TRIM37: variants seen among roughly 807,000 people sequenced by gnomAD.
TRIM37 encodes tripartite motif containing 37.
In TRIM37, 80 loss-of-function variants were observed where a neutral mutation model predicts 129.8. The ratio of observed to expected loss-of-function variants is 0.62; its 90% CI spans 0.51 to 0.74. The LOEUF (loss-of-function observed/expected upper bound fraction) is 0.74. TRIM37 is among the 30% of genes least tolerant of loss of function. The pLI is 0.00. For missense variants in TRIM37, 1,054 were observed against 1,176.5 expected (o/e 0.90, Z 1.52); for synonymous variants, 389 against 387.1 (o/e 1.00, Z -0.06).
chr17:58,980,749 C>G (rs2031308449), downstream of TRIM37: 2 of 1,614,132 alleles, frequency 1.2e-6, no homozygotes, highest in Non-Finnish European at 1.7e-6. The surrounding 1 kb of genome is among the most constrained non-coding windows in gnomAD (Gnocchi z 4.7). Flanking sequence ...CCCCGGGAAA[C>G]AGAGTTTCTA....
rs1368591868 is a variant in TRIM37, at chr17:59,077,996, G to A, written c.616+1758C>T. The stretch of plus-strand genomic sequence containing the variant: ...AAAAATTAGCTGGGGGTGGTGGCAC[G>A]TGCCTGTAGTCCCAGCTACTCAGGA... On this transcript the variant is annotated intron_variant, in intron 7 of 23. Coordinates refer to ENST00000262294, the MANE Select transcript of TRIM37 (RefSeq NM_015294.6). Among the ~76,000 whole-genome samples, 7 of 151,676 alleles carry A rather than the reference G, an allele frequency of 4.6e-5. No homozygotes were observed. The South Asian group carries it at 8.3e-4, about 18-fold the overall frequency.
At chr17:59,094,916 T>C (rs1395019669) in intron 2 of TRIM37, among the ~76,000 whole-genome samples, 2 of 152,070 alleles carry the variant, frequency 1.3e-5, no homozygotes, top group Admixed American at 6.6e-5. Context: ...CTAGAGGTAG[T>C]GTTAAAAGTC....
chr17:58,998,141 T>C (rs182050495), downstream of TRIM37: 5,432 of 856,576 alleles, frequency 6.3e-3, 29 homozygotes, highest in Non-Finnish European at 6.9e-3. Flanking sequence ...ACACTACTAA[T>C]GAGGCAATGA....
chr17:59,057,164 G>GAT, intron 12 of TRIM37, 110 bp from the exon 13 acceptor site: 2 of 869,970 alleles, frequency 2.3e-6, no homozygotes, highest in Non-Finnish European at 3.6e-6. Flanking sequence ...AAACCTTATT[G>GAT]ATATACGCAG....
At chr17:58,991,503 T>C (rs1207090761) in intron 24 of TRIM37, among the ~76,000 whole-genome samples, 1 of 150,944 alleles carries the variant, frequency 6.6e-6, no homozygotes, top group Non-Finnish European at 1.5e-5. Context: ...AAAAAAGTAA[T>C]AATAAATAAA....
intron 16 of TRIM37, among the ~76,000 whole-genome samples, chr17:59,045,971 G>A (rs998457466): frequency 4.0e-5 from 6 of 151,892 alleles, no homozygotes; most frequent in Non-Finnish European, 7.4e-5. Flanking sequence ...AGCCAAGATC[G>A]TGACACTGCA....
chr17:59,091,823 C>T (rs895682958), intron 2 of TRIM37, among the ~76,000 whole-genome samples: 8 of 151,066 alleles, frequency 5.3e-5, no homozygotes, highest in African/African-American at 1.9e-4. Flanking sequence ...AGGCTACTCT[C>T]ACACAGGAAA....
intron 17 of TRIM37, among the ~76,000 whole-genome samples, chr17:59,033,887 G>A (rs1478820804): frequency 1.3e-5 from 2 of 151,624 alleles, no homozygotes; most frequent in African/African-American, 4.8e-5. Context: ...GGAGGCCAAG[G>A]TGTGCAGATC....
Position 59,028,382 on chromosome 17 carries a change from G to A in TRIM37, c.2257+33C>T, listed in dbSNP as rs770964392. ...AGTCATCTAGTTTCCCAAATAACGT[G>A]TGGAGAAATGACACTGGGAACATAT... On this transcript the variant is annotated intron_variant, in intron 19 of 23. Coordinates refer to ENST00000262294, the MANE Select transcript of TRIM37 (RefSeq NM_015294.6). 9 of 1,594,734 alleles carry A rather than the reference G, an allele frequency of 5.6e-6. 1 individual carries two copies. The highest frequency in any genetic ancestry group is 1.7e-5 in the Admixed American group (1 of 59,964).
chr17:58,989,374 T>G (rs559693463), intron 24 of TRIM37, among the ~76,000 whole-genome samples: 1 of 152,130 alleles, frequency 6.6e-6, no homozygotes, highest in South Asian at 2.1e-4. Context: ...AGGTGGAGGT[T>G]GCAGTGAGCT....
downstream of TRIM37, among the ~76,000 whole-genome samples, chr17:58,995,347 T>C (rs1363112286): frequency 1.3e-5 from 2 of 150,322 alleles, no homozygotes; most frequent in Non-Finnish European, 3.0e-5. Flanking sequence ...CCTTAGGAAG[T>C]GGTTAATTCC....
chr17:59,049,757 C>G (rs1947940243), intron 14 of TRIM37, among the ~76,000 whole-genome samples: 1 of 152,150 alleles, frequency 6.6e-6, no homozygotes, highest in Non-Finnish European at 1.5e-5. Flanking sequence ...CTCGGCCTCC[C>G]AACATGCTGG....
intron 7 of TRIM37, among the ~76,000 whole-genome samples, chr17:59,076,900 T>C (rs1233400877): frequency 2.6e-5 from 4 of 152,164 alleles, no homozygotes; most frequent in African/African-American, 9.7e-5. Context: ...GTGATTCTCC[T>C]GCCTCAGTCT....
intron 21 of TRIM37, among the ~76,000 whole-genome samples, chr17:59,013,465 G>A (rs2035552154): frequency 6.6e-6 from 1 of 151,576 alleles, no homozygotes; most frequent in Admixed American, 6.6e-5. Context: ...ATTATTGAAT[G>A]AGAAAATAAA....
the TRIM37 span, among the ~76,000 whole-genome samples, chr17:58,976,638 A>G: frequency 6.6e-6 from 1 of 152,356 alleles, no homozygotes; most frequent in South Asian, 2.1e-4. Context: ...GTTGAAGACA[A>G]AAGGATGTTG....
At chr17:59,017,611 T>C (rs2036110125) in intron 19 of TRIM37, among the ~76,000 whole-genome samples, 187 bp from the exon 20 acceptor site, 1 of 152,148 alleles carries the variant, frequency 6.6e-6, no homozygotes, top group Non-Finnish European at 1.5e-5. Context: ...ATCTTGTTGC[T>C]TGTAGAGCAG....
At chr17:59,032,160 T>G in intron 17 of TRIM37, 70 bp from the exon 18 acceptor site, 3 of 1,384,932 alleles carry the variant, frequency 2.2e-6, no homozygotes, top group Non-Finnish European at 3.1e-6. Flanking sequence ...AAAAATGAAC[T>G]GGTTAACATT....
chr17:58,988,967 T>G (rs2032083493), intron 24 of TRIM37, among the ~76,000 whole-genome samples: 1 of 152,198 alleles, frequency 6.6e-6, no homozygotes, highest in Admixed American at 6.5e-5. Context: ...ATTCAACCTC[T>G]GCCAACAAAG....
chr17:59,049,130 G>GTT, intron 15 of TRIM37, 48 bp downstream of exon 15: 1 of 1,462,200 alleles, frequency 6.8e-7, no homozygotes, highest in Non-Finnish European at 9.5e-7. Context: ...TGATGCTACT[G>GTT]TTTTTTTTTA....
Sources: gnomAD v4.1 joint callset for allele counts (sites outside exome capture counted in the v4.1 genomes callset) on GRCh38, gnomAD v4.1.1 for gene constraint, Gnocchi (gnomAD v3.1) non-coding constraint, MANE v1.5 for transcripts, NCBI Gene and HGNC (gene_info 2026-07-23, HGNC 2026-07-21) for gene names.